NELL2: variants seen among roughly 807,000 people sequenced by gnomAD.
The protein encoded by NELL2 is neural EGFL like 2.
In NELL2, 41 loss-of-function variants were observed where a neutral mutation model predicts 109.6. The observed-to-expected ratio is 0.37, with a 90% CI of 0.29 to 0.49. The LOEUF is 0.49. Ranked by LOEUF, NELL2 falls within the 20% of genes least tolerant of loss-of-function variation. NELL2 has a pLI of 0.98. For synonymous variants in NELL2, 355 were observed against 344.7 expected, an observed-to-expected ratio of 1.03 and a Z score of -0.33; for missense variants, 900 against 1,008.3, an observed-to-expected ratio of 0.89 and a Z score of 1.45.
intron 1 of NELL2, among the ~76,000 whole-genome samples, chr12:44,883,708 G>T (rs1159462030): frequency 6.6e-6 from 1 of 151,958 alleles, no homozygotes; most frequent in Non-Finnish European, 1.5e-5. Context: ...CGATATAATG[G>T]TAAGGTTTCC....
At chr12:44,874,041 A>T (rs1053851451) in intron 2 of NELL2, among the ~76,000 whole-genome samples, 1 of 152,184 alleles carries the variant, frequency 6.6e-6, no homozygotes, top group African/African-American at 2.4e-5. Flanking sequence ...AACACATGTG[A>T]ATTTCCTCCT....
intron 15 of NELL2, among the ~76,000 whole-genome samples, chr12:44,562,025 CAACATTCATT>C (rs1943484822): frequency 6.6e-6 from 1 of 150,738 alleles, no homozygotes; most frequent in Non-Finnish European, 1.5e-5. Context: ...ACATATCTGT[CAACATTCATT>C]GACAAACTTG....
At chr12:44,655,512 G>T (rs1443330936) in intron 13 of NELL2, among the ~76,000 whole-genome samples, 1 of 152,212 alleles carries the variant, frequency 6.6e-6, no homozygotes, top group African/African-American at 2.4e-5. Flanking sequence ...CTAATTGTAT[G>T]CATGCACATA....
At chr12:44,626,817 C>A (rs951033692) in intron 13 of NELL2, among the ~76,000 whole-genome samples, 1 of 152,116 alleles carries the variant, frequency 6.6e-6, no homozygotes, top group African/African-American at 2.4e-5. Context: ...TCTTTACTTC[C>A]AGTCCAGCAG....
At chr12:44,737,037 T>C (rs1844875165) in intron 9 of NELL2, among the ~76,000 whole-genome samples, 1 of 152,094 alleles carries the variant, frequency 6.6e-6, no homozygotes, top group South Asian at 2.1e-4. Flanking sequence ...CATAAAAATA[T>C]TATTTTTAGA....
At chr12:44,578,046 T>C (rs1944175928) in intron 15 of NELL2, among the ~76,000 whole-genome samples, 1 of 152,202 alleles carries the variant, frequency 6.6e-6, no homozygotes, top group Admixed American at 6.5e-5. Flanking sequence ...GTACTTATCT[T>C]TGAATACTCT....
At chr12:44,690,041 C>T (rs1457701894) in intron 12 of NELL2, among the ~76,000 whole-genome samples, 1 of 152,076 alleles carries the variant, frequency 6.6e-6, no homozygotes, top group Non-Finnish European at 1.5e-5. Context: ...GTAAAACTAG[C>T]CTAAAAATAG....
chr12:44,735,923 G>C (rs1406337450), intron 9 of NELL2, among the ~76,000 whole-genome samples: 1 of 150,946 alleles, frequency 6.6e-6, no homozygotes, highest in Non-Finnish European at 1.5e-5. Context: ...CACTTTATTG[G>C]TGAAAACTAA....
upstream of NELL2, among the ~76,000 whole-genome samples, chr12:44,918,553 G>A (rs951674521): frequency 2.0e-5 from 3 of 150,694 alleles, no homozygotes; most frequent in Non-Finnish European, 3.0e-5. Flanking sequence ...GTGTGTGTGT[G>A]TGTGTGTGTG....
At chr12:44,901,668 C>A (rs1195259349) in intron 1 of NELL2, among the ~76,000 whole-genome samples, 2 of 152,168 alleles carry the variant, frequency 1.3e-5, no homozygotes, top group African/African-American at 4.8e-5. Flanking sequence ...TACTGGCAAA[C>A]TGAATCCAGC....
chr12:44,876,630 T>G, upstream of NELL2: 2 of 1,551,136 alleles, frequency 1.3e-6, no homozygotes, highest in Non-Finnish European at 1.7e-6. Context: ...GCGCGTGTCT[T>G]GAAAGACAGG....
At chr12:44,824,017 G>C (rs1008980452) in intron 2 of NELL2, among the ~76,000 whole-genome samples, 1 of 152,218 alleles carries the variant, frequency 6.6e-6, no homozygotes, top group Admixed American at 6.5e-5. Flanking sequence ...CATACATTTT[G>C]ACTATCTGTA....
At chr12:44,632,613 C>G (rs2136287234) in intron 13 of NELL2, among the ~76,000 whole-genome samples, 1 of 152,098 alleles carries the variant, frequency 6.6e-6, no homozygotes. Flanking sequence ...AAAATATTAT[C>G]ACCACCTCCC....
intron 16 of NELL2, among the ~76,000 whole-genome samples, chr12:44,523,918 G>A (rs1016572716): frequency 6.6e-6 from 1 of 152,136 alleles, no homozygotes; most frequent in African/African-American, 2.4e-5. Flanking sequence ...GAGATGAAAT[G>A]TCATGAGATC....
chr12:44,865,214 G>A (rs1346213912), intron 2 of NELL2, among the ~76,000 whole-genome samples: 2 of 113,524 alleles, frequency 1.8e-5, no homozygotes, highest in African/African-American at 6.8e-5. Context: ...TTTTGATGGG[G>A]TTGTTTGTTT....
At chr12:44,695,617 G>C (rs1412819494) in intron 12 of NELL2, among the ~76,000 whole-genome samples, 1 of 151,718 alleles carries the variant, frequency 6.6e-6, no homozygotes, top group Non-Finnish European at 1.5e-5. Flanking sequence ...AAGAGAAAAA[G>C]TCCACAGAAT....
At chr12:44,809,234 T>C (rs1943096493) in intron 3 of NELL2, among the ~76,000 whole-genome samples, 1 of 152,090 alleles carries the variant, frequency 6.6e-6, no homozygotes, top group Non-Finnish European at 1.5e-5. Flanking sequence ...TTCTTTGGAA[T>C]TTTCAATAAA....
At chr12:44,833,547 C>T (rs1943952603) in intron 2 of NELL2, among the ~76,000 whole-genome samples, 1 of 152,128 alleles carries the variant, frequency 6.6e-6, no homozygotes, top group Non-Finnish European at 1.5e-5. Flanking sequence ...CCAATAACTA[C>T]CAGCAATTAT....
intron 2 of NELL2, among the ~76,000 whole-genome samples, chr12:44,843,546 C>A (rs1944287534): frequency 6.6e-6 from 1 of 152,150 alleles, no homozygotes; most frequent in South Asian, 2.1e-4. Context: ...TAGGTATTTA[C>A]CAAGAAAAAT....
Sources: allele counts gnomAD v4.1 joint callset (sites outside exome capture counted in the v4.1 genomes callset), GRCh38; gene constraint gnomAD v4.1.1; transcripts MANE v1.5; gene names NCBI Gene and HGNC (gene_info 2026-07-23, HGNC 2026-07-21).